The following HMCN2 variants were observed in gnomAD, a reference collection of about 807,000 sequenced individuals.
HMCN2 encodes hemicentin-2.
Under a neutral mutation model 377.5 loss-of-function variants are expected in HMCN2, and 325 were observed. The ratio of observed to expected loss-of-function variants is 0.86; its 90% CI spans 0.79 to 0.94. HMCN2 has a LOEUF of 0.94. Ranked by LOEUF, HMCN2 falls within the 40% of genes least tolerant of loss-of-function variation. The pLI, the probability that HMCN2 is intolerant of heterozygous loss-of-function variation, is 0.00. For synonymous variants in HMCN2, 2,007 were observed against 2,046.8 expected, an observed-to-expected ratio of 0.98 and a Z score of 0.53; for missense variants, 4,543 against 4,725.3, an observed-to-expected ratio of 0.96 and a Z score of 1.13.
chr9:130,372,064 A>G (rs1841053211), intron 46 of HMCN2, among the ~76,000 whole-genome samples: 3 of 152,326 alleles, frequency 2.0e-5, no homozygotes, highest in Admixed American at 2.0e-4. Flanking sequence ...ACTTCTTGCT[A>G]GAGCAGGGTC....
At chr9:130,326,485 T>C (rs1687220714) in intron 21 of HMCN2, among the ~76,000 whole-genome samples, 1 of 151,994 alleles carries the variant, frequency 6.6e-6, no homozygotes, top group African/African-American at 2.4e-5. Flanking sequence ...GCATTCCCCA[T>C]AGGGCTGGCG....
chr9:130,376,770 T>C, intron 52 of HMCN2, 112 bp downstream of exon 52: 1 of 510,736 alleles, frequency 2.0e-6, no homozygotes, highest in Non-Finnish European at 2.5e-6. Context: ...CTAGAGCTGG[T>C]CCGGGCCCCA....
At chr9:130,363,820 CAAAAAAA>C in intron 40 of HMCN2, among the ~76,000 whole-genome samples, 1 of 117,994 alleles carries the variant, frequency 8.5e-6, no homozygotes, top group South Asian at 2.9e-4. Flanking sequence ...CAGACTCTGT[CAAAAAAA>C]AAAAAAAGAA....
chr9:130,429,526 C>T lies in HMCN2; in HGVS notation c.14198-31C>T, dbSNP rs1255176071. The T allele has an allele frequency of 3.9e-6, 6 of 1,549,862 alleles. No homozygotes were observed. In the Admixed American group the frequency reaches 7.9e-5, roughly 20 times the overall value. ...GGGGGAGGGGCCCTGGGCTAGACCT[C>T]CCCACCACCGACCATGCCCCTGCCT... On this transcript the variant is annotated intron_variant, in intron 93 of 97. Transcript: ENST00000683500.
Position 130,368,201 on chromosome 9 carries a change from C to A in HMCN2, c.6626-75C>A, listed in dbSNP as rs573856125. 1.3e-5 allele frequency: 12 copies of A among 923,068 alleles called. No homozygotes were observed. The African/African-American group carries it at 2.1e-4, about 16-fold the overall frequency. The allele number at this position is 923,068 out of a possible 1,614,324, so 57.2% of individuals were successfully genotyped here. On this transcript the variant is annotated intron_variant, in intron 43 of 97. Transcript: ENST00000683500. ...GAATTGGCAAGAATGGGTAGGAGGA[C>A]AAACTTTCCATGTGGAAAGACATCA...
intron 47 of HMCN2, 95 bp downstream of exon 47, chr9:130,372,502 TG>T (rs1466828491): frequency 3.8e-6 from 1 of 266,318 alleles, no homozygotes; most frequent in African/African-American, 2.3e-5. Context: ...TGGCTCATGC[TG>T]TAGCAGGGGC....
chr9:130,432,979 G>A (rs1056109705), intron 97 of HMCN2: 6 of 361,276 alleles, frequency 1.7e-5, no homozygotes, highest in Middle Eastern at 7.4e-4. Context: ...GCAGATGCCC[G>A]CGGCAAGGCT....
chr9:130,310,008 G>T lies in HMCN2; in HGVS notation c.2297G>T (p.Arg766Leu), dbSNP rs550433559. 1 of 533,832 alleles carries T rather than the reference G, an allele frequency of 1.9e-6. No individual in the cohort carries two copies. The highest frequency in any genetic ancestry group is 3.9e-6 in the Non-Finnish European group (1 of 259,710). 33.1% of individuals were successfully genotyped at this position (533,832 alleles called of 1,614,324 possible). Residue 766 changes from arginine to leucine, a missense_variant, in exon 15 of 98, where the codon CGG (arginine) becomes CTG (leucine). Coordinates refer to ENST00000683500, the MANE Select transcript of HMCN2 (RefSeq NM_001291815.2). ...AGGGATGCTGGCACCTACACCTGCC[G>T]GGCTGTCAATGAGTTGGGTGACGCC... The part of the protein sequence containing the change: ...QERDAGTYTC[R>L]AVNELGDASA...
chr9:130,311,333 G>C (rs1298494355), intron 15 of HMCN2, among the ~76,000 whole-genome samples: 3 of 152,168 alleles, frequency 2.0e-5, no homozygotes. Context: ...GGTCTGGCCT[G>C]GGGGGGTTGT....
chr9:130,383,530 C>G lies in HMCN2; in HGVS notation c.8760C>G (p.Ala2920=). Residue 2920 remains alanine (A), a synonymous_variant, in exon 57 of 98, where the codon GCC becomes GCG. Transcript: ENST00000683500. ...TTTCCACGGCAGAGGTGGCCGACGC[C>G]GCCAGCTACATGTGTGTGGCCGAGA... The part of the protein sequence containing the change: ...LQVSTAEVAD[A]ASYMCVAENQ... 1.0e-6 allele frequency: 1 copy of G among 986,090 alleles called. No homozygotes were observed. Among genetic ancestry groups the G allele is most frequent in the East Asian group, 1.1e-4 (1 of 8,808 alleles). 61.1% of individuals were successfully genotyped at this position (986,090 alleles called of 1,614,324 possible).
chr9:130,411,373 G>A (rs1843398324), intron 85 of HMCN2, among the ~76,000 whole-genome samples: 1 of 152,082 alleles, frequency 6.6e-6, no homozygotes, highest in East Asian at 1.9e-4. Context: ...AGGCCAAGGC[G>A]GGTGGATCAC....
intron 31 of HMCN2, among the ~76,000 whole-genome samples, chr9:130,353,719 C>T (rs1002626902): frequency 3.3e-5 from 5 of 152,172 alleles, no homozygotes; most frequent in East Asian, 3.8e-4. Flanking sequence ...GGTCCTTACG[C>T]GGGCAGATCT....
At chr9:130,312,912 G>A (rs1341691323) in intron 15 of HMCN2, among the ~76,000 whole-genome samples, 1 of 152,010 alleles carries the variant, frequency 6.6e-6, no homozygotes, top group Admixed American at 6.5e-5. Flanking sequence ...TACCCGCCTC[G>A]GCCTCCCAAA....
chr9:130,370,062 A>G (rs1423499982), intron 45 of HMCN2, among the ~76,000 whole-genome samples: 1 of 148,666 alleles, frequency 6.7e-6, no homozygotes, highest in Admixed American at 6.7e-5. Flanking sequence ...AATTTCCCCC[A>G]ATTCGCCTCT....
rs1442632341 is a variant in HMCN2 at position 130,393,007 on chromosome 9, A to G, written c.10137-205A>G. Among the ~76,000 whole-genome samples the G allele has an allele frequency of 6.6e-6, 1 of 151,902 alleles. No individual in the cohort carries two copies. The highest frequency in any genetic ancestry group is 1.5e-5 in the Non-Finnish European group (1 of 67,944). On this transcript the variant is annotated intron_variant, in intron 66 of 97. Coordinates refer to ENST00000683500, the MANE Select transcript of HMCN2 (RefSeq NM_001291815.2). This position sits in a 1 kb window ranked among gnomAD's most constrained non-coding sequence, Gnocchi z 5.2. ...TGAGACACCATCTCACCATCTCAAA[A>G]AAAAAAAAGAAAAAGAGAGAGTTTA...
At position 130,361,630 on chromosome 9, in the gene HMCN2, T is replaced by G. The variant is rs770530272; in HGVS notation, c.5951-378T>G. On this transcript the variant is annotated intron_variant, in intron 38 of 97. Transcript: ENST00000683500. This position sits in a 1 kb window ranked among gnomAD's most constrained non-coding sequence, Gnocchi z 4.8. ...TGCCAAAAGGGGACTGCCTGTAATATGGTATTTCATCTCACACCCCTGAGT... is the reference window on the plus strand; with the variant it reads ...TGCCAAAAGGGGACTGCCTGTAATAGGGTATTTCATCTCACACCCCTGAGT... 9.2e-5 allele frequency among the ~76,000 whole-genome samples: 14 copies of G among 152,156 alleles called. No homozygotes were observed. The highest frequency in any genetic ancestry group is 1.6e-4 in the Non-Finnish European group (11 of 68,030).
Position 130,279,478 on chromosome 9 carries a change from G to A in HMCN2, c.260-5125G>A, listed in dbSNP as rs138675727. Among the ~76,000 whole-genome samples the A allele has an allele frequency of 3.3e-3, 506 of 152,080 alleles. 2 individuals are homozygous for A. Among genetic ancestry groups the A allele is most frequent in the Non-Finnish European group, 5.7e-3 (387 of 68,008 alleles). On this transcript the variant is annotated intron_variant, in intron 1 of 97. Coordinates refer to ENST00000683500, the MANE Select transcript of HMCN2 (RefSeq NM_001291815.2). ...AGCAACTCTCCTGCCTCAGCCTTTT[G>A]AGTAGCTGGGATTACAAGCATGTGC...
At position 130,373,020 on chromosome 9, in the gene HMCN2, T is replaced by A; in HGVS notation, c.7352-18T>A. ...CCCCCACCCCATCACTAGCCATTTG[T>A]CTCCCTGCTTCTCCCAGTTCCTCCC... is the stretch of plus-strand genomic sequence containing the variant. On this transcript the variant is annotated intron_variant, in intron 47 of 97. Coordinates refer to ENST00000683500, the MANE Select transcript of HMCN2 (RefSeq NM_001291815.2). 1 of 382,986 alleles carries A rather than the reference T, an allele frequency of 2.6e-6. No individual in the cohort carries two copies. The highest frequency in any genetic ancestry group is 3.5e-6 in the Non-Finnish European group (1 of 286,950). The allele number at this position is 382,986 out of a possible 1,614,324, so 23.7% of individuals were successfully genotyped here.
intron 85 of HMCN2, among the ~76,000 whole-genome samples, chr9:130,411,669 C>A (rs1843419979): frequency 1.3e-5 from 2 of 149,168 alleles, no homozygotes; most frequent in African/African-American, 2.5e-5. Flanking sequence ...CATAGATGAA[C>A]CTTGAGGTCA....
Sources: gnomAD v4.1 joint callset for allele counts (sites outside exome capture counted in the v4.1 genomes callset) on GRCh38, gnomAD v4.1.1 for gene constraint, Gnocchi (gnomAD v3.1) non-coding constraint, MANE v1.5 for transcripts, NCBI Gene and HGNC (gene_info 2026-07-23, HGNC 2026-07-21) for gene names.